The following GGT7 variants were observed in gnomAD, a reference collection of about 807,000 sequenced individuals.
GGT7 encodes gamma-glutamyltransferase 7.
GGT7 carries 30 observed loss-of-function variants against 69.2 expected under a neutral mutation model. The observed-to-expected ratio is 0.43, with a 90% CI of 0.32 to 0.59. The LOEUF is 0.59. GGT7 is among the 20% of genes least tolerant of loss of function. The pLI is 0.05. For synonymous variants in GGT7, 388 were observed against 391.8 expected, an observed-to-expected ratio of 0.99 and a Z score of 0.12; for missense variants, 733 against 901.1, an observed-to-expected ratio of 0.81 and a Z score of 2.39.
intron 8 of GGT7, among the ~76,000 whole-genome samples, chr20:34,856,263 C>A (rs1200503619): frequency 6.6e-6 from 1 of 152,152 alleles, no homozygotes; most frequent in African/African-American, 2.4e-5. Context: ...CAGCACCTAC[C>A]ACCTTGGGTT....
intron 7 of GGT7, among the ~76,000 whole-genome samples, chr20:34,857,148 C>T (rs2079507044): frequency 1.3e-5 from 2 of 152,270 alleles, no homozygotes; most frequent in South Asian, 4.1e-4. Flanking sequence ...CCTTAGCTTG[C>T]CATTCAAGAC....
At chr20:34,853,730 C>T (rs894254284) in intron 10 of GGT7, among the ~76,000 whole-genome samples, 4 of 152,132 alleles carry the variant, frequency 2.6e-5, no homozygotes, top group South Asian at 2.1e-4. Flanking sequence ...CTTACCACAA[C>T]CTTACAAGGT....
chr20:34,850,772 G>A (rs778488042), intron 13 of GGT7: 14 of 482,218 alleles, frequency 2.9e-5, no homozygotes, highest in Middle Eastern at 3.2e-4. Flanking sequence ...ACTTAAGATC[G>A]TTAACTCACC....
chr20:34,872,784 C>T lies in GGT7; in HGVS notation c.32G>A (p.Ser11Asn). The T allele has an allele frequency of 7.2e-7, 1 of 1,398,260 alleles. No homozygotes were observed. The highest frequency in any genetic ancestry group is 9.3e-7 in the Non-Finnish European group (1 of 1,069,734). The allele number at this position is 1,398,260 out of a possible 1,614,324, so 86.6% of individuals were successfully genotyped here. The part of the protein sequence containing the change: MAAENEASQE[S>N]ALGAYSPVDY... ...CACTGGCGAGTAGGCGCCCAGGGCG[C>T]TCTCCTGGCTGGCCTCGTTCTCCGC... The change falls in exon 1 of 15, where the codon AGC becomes AAC. Residue 11 changes from serine (S) to asparagine (N), a missense_variant. By Grantham distance (46) the Ser-to-Asn change is conservative. Coordinates refer to ENST00000336431, the MANE Select transcript of GGT7 (RefSeq NM_178026.3).
intron 10 of GGT7, among the ~76,000 whole-genome samples, chr20:34,854,107 T>C (rs1377150947): frequency 6.6e-6 from 1 of 152,202 alleles, no homozygotes; most frequent in East Asian, 1.9e-4. Flanking sequence ...CGGCTAATTT[T>C]TGTATTTTTA....
chr20:34,845,147 A>ACCC lies in GGT7; in HGVS notation c.*180_*181insGGG. The ACCC allele has an allele frequency of 9.8e-6, 3 of 306,378 alleles. No homozygotes were observed. The highest frequency in any genetic ancestry group is 2.7e-5 in the South Asian group (1 of 37,252). 19.0% of individuals were successfully genotyped at this position (306,378 alleles called of 1,614,324 possible). A position where few individuals can be genotyped will look rare whatever the true frequency, so the allele number is the denominator to read the frequency against. On this transcript the variant is annotated 3_prime_UTR_variant, in exon 15 of 15. Coordinates refer to ENST00000336431, the MANE Select transcript of GGT7 (RefSeq NM_178026.3). ...CACCACCACCACCACCACCACCACC[A>ACCC]CCACCACAGGCCTCCTGATGGAGAA...
At chr20:34,854,742 C>T in intron 9 of GGT7, 54 bp downstream of exon 9, 2 of 1,609,932 alleles carry the variant, frequency 1.2e-6, no homozygotes, top group Non-Finnish European at 1.7e-6. Flanking sequence ...AGTACCCAAT[C>T]TCCCCACTCC....
chr20:34,862,891 C>G lies in GGT7; in HGVS notation c.480G>C (p.Gln160His), dbSNP rs1490058216. The change falls in exon 3 of 15, where the codon CAG becomes CAC. Residue 160 changes from glutamine (Q) to histidine (H), a missense_variant. Coordinates refer to ENST00000336431, the MANE Select transcript of GGT7 (RefSeq NM_178026.3). ...CCACCGCTGCGTCCACAGAAGATCC[C>G]TGTTTACTGAGCACCTCGATGCCCA... ...TSLGIEVLSK[Q>H]GSSVDAAVAA... The G allele has an allele frequency of 6.2e-7, 1 of 1,614,154 alleles. No individual in the cohort carries two copies. Among genetic ancestry groups the G allele is most frequent in the Non-Finnish European group, 8.5e-7 (1 of 1,180,016 alleles).
rs747592803 is a variant in GGT7, at chr20:34,862,795, G to A, written c.557+19C>T. ...GCAAGAAGTAGGCCTGGGGGACCCC[G>A]ACCTCCACTGCTCCTTACCCGCCCA... On this transcript the variant is annotated intron_variant, in intron 3 of 14. Coordinates refer to ENST00000336431, the MANE Select transcript of GGT7 (RefSeq NM_178026.3). 6.2e-7 allele frequency: 1 copy of A among 1,613,614 alleles called. No homozygotes were observed. The highest frequency in any genetic ancestry group is 1.1e-5 in the South Asian group (1 of 91,066).
At chr20:34,870,251 C>T (rs2079757864) in intron 1 of GGT7, among the ~76,000 whole-genome samples, 1 of 152,210 alleles carries the variant, frequency 6.6e-6, no homozygotes, top group Non-Finnish European at 1.5e-5. Context: ...AAGGTATAAA[C>T]TCCCAGAAGC....
In GGT7 at chr20:34,863,818, C is replaced by T. The variant is rs1229822774; in HGVS notation, c.170-270G>A. ...GATACCTAGGCCAAATTTCCTGGCA[C>T]CCAGGGCCCAGGGCTGAGAACACTT... On this transcript the variant is annotated intron_variant, in intron 1 of 14. Coordinates refer to ENST00000336431, the MANE Select transcript of GGT7 (RefSeq NM_178026.3). This position sits in a 1 kb window ranked among gnomAD's most constrained non-coding sequence, Gnocchi z 4.4. 9.1e-6 allele frequency: 6 copies of T among 661,620 alleles called. No homozygotes were observed. Among genetic ancestry groups the T allele is most frequent in the Non-Finnish European group, 2.9e-6 (1 of 350,662 alleles). 41.0% of individuals were successfully genotyped at this position (661,620 alleles called of 1,614,324 possible).
At position 34,849,830 on chromosome 20, in the gene GGT7, A is replaced by G. The variant is rs577865204; in HGVS notation, c.1825+131T>C. On this transcript the variant is annotated intron_variant, in intron 14 of 14. Coordinates refer to ENST00000336431, the MANE Select transcript of GGT7 (RefSeq NM_178026.3). ...CAATCCCCAGATCGTTCACTGCTCC[A>G]ATAGAAATTTGCCAAATAAAACCAA... 2.2e-4 allele frequency: 127 copies of G among 585,842 alleles called. No homozygotes were observed. In the South Asian group the frequency reaches 2.6e-3, roughly 12 times the overall value. The allele number at this position is 585,842 out of a possible 1,614,324, so 36.3% of individuals were successfully genotyped here. A position where few individuals can be genotyped will look rare whatever the true frequency, so the allele number is the denominator to read the frequency against.
rs994123048 is a variant in GGT7, at chr20:34,845,229, G to A, written c.*99C>T. The A allele has an allele frequency of 6.1e-6, 7 of 1,139,704 alleles. 1 individual carries two copies. Among genetic ancestry groups the A allele is most frequent in the Middle Eastern group, 3.0e-4 (1 of 3,360 alleles). 70.6% of individuals were successfully genotyped at this position (1,139,704 alleles called of 1,614,324 possible). On this transcript the variant is annotated 3_prime_UTR_variant, in exon 15 of 15. Transcript: ENST00000336431. The stretch of plus-strand genomic sequence containing the variant: ...AGCATCCCCTCTGGCCCCTGATCTG[G>A]GGCATCCCTGGGGTCCCCCTGAGAC...
At position 34,863,474 on chromosome 20, in the gene GGT7, C is replaced by G. The variant is rs201667708; in HGVS notation, c.244G>C (p.Gly82Arg). Reference protein sequence around the residue: ...SSSSEMGSQDGSPLRETRKDP... With the variant: ...SSSSEMGSQDRSPLRETRKDP... ...TTGCGCGTCTCGCGTAGCGGCGACCCGTCTTGGCTGCCCATCTCCGACGAC... is the reference window on the plus strand; with the variant it reads ...TTGCGCGTCTCGCGTAGCGGCGACCGGTCTTGGCTGCCCATCTCCGACGAC... Residue 82 changes from glycine to arginine, a missense_variant, in exon 2 of 15, where the codon GGG (glycine) becomes CGG (arginine). By Grantham distance (125) the Gly-to-Arg change is moderately radical (BLOSUM62 -2). Coordinates refer to ENST00000336431, the MANE Select transcript of GGT7 (RefSeq NM_178026.3). The surrounding 1 kb of genome is among the most constrained non-coding windows in gnomAD (Gnocchi z 4.4). 2 of 1,609,330 alleles carry G rather than the reference C, an allele frequency of 1.2e-6. No individual in the cohort carries two copies. The highest frequency in any genetic ancestry group is 4.5e-5 in the East Asian group (2 of 44,594).
At chr20:34,859,697 ACG>A in intron 6 of GGT7, 58 bp from the exon 7 acceptor site, 1 of 1,386,788 alleles carries the variant, frequency 7.2e-7, no homozygotes, top group African/African-American at 1.4e-5. Context: ...ACCGGATGAG[ACG>A]CGCAATAGAT....
chr20:34,853,549 G>C (rs964008284), intron 10 of GGT7, among the ~76,000 whole-genome samples: 4 of 138,584 alleles, frequency 2.9e-5, no homozygotes, highest in Admixed American at 2.2e-4. Flanking sequence ...GCGACAGAGC[G>C]AGACTCCATC....
At chr20:34,871,111 C>A (rs1362133354) in intron 1 of GGT7, among the ~76,000 whole-genome samples, 1 of 152,204 alleles carries the variant, frequency 6.6e-6, no homozygotes, top group Non-Finnish European at 1.5e-5. Flanking sequence ...GTGAACAAAA[C>A]AATCATGATC....
rs575658674 is a variant in GGT7 at position 34,866,898 on chromosome 20, T to G, written c.170-3350A>C. ...ACCCTGCTGTTTTTAAACTTTATTT[T>G]CAAAAAAAGGTTATCTTCTGAGACT... On this transcript the variant is annotated intron_variant, in intron 1 of 14. Transcript: ENST00000336431. 2.0e-5 allele frequency among the ~76,000 whole-genome samples: 3 copies of G among 150,944 alleles called. No homozygotes were observed. In the South Asian group the frequency reaches 6.3e-4, roughly 32 times the overall value.
At chr20:34,871,617 T>C (rs2079779748) in intron 1 of GGT7, among the ~76,000 whole-genome samples, 1 of 151,942 alleles carries the variant, frequency 6.6e-6, no homozygotes, top group Non-Finnish European at 1.5e-5. Context: ...CCAGAAAGTG[T>C]AGAGGAGGAG....
Sources: gnomAD v4.1 joint callset for allele counts (sites outside exome capture counted in the v4.1 genomes callset) on GRCh38, gnomAD v4.1.1 for gene constraint, Gnocchi (gnomAD v3.1) non-coding constraint, MANE v1.5 for transcripts, NCBI Gene and HGNC (gene_info 2026-07-23, HGNC 2026-07-21) for gene names.